The following PNMA2 variants were observed in gnomAD, a reference collection of about 807,000 sequenced individuals.
The protein encoded by PNMA2 is PNMA family member 2, also known as paraneoplastic antigen Ma2.
For synonymous variants in PNMA2, 175 were observed against 183.5 expected, an observed-to-expected ratio of 0.95 and a Z score of 0.38; for missense variants, 455 against 452.9, an observed-to-expected ratio of 1.00 and a Z score of -0.04.
In PNMA2 at chr8:26,505,205, G is replaced by A. The variant is rs1238808739; in HGVS notation, c.*2456C>T. ...TCGTGAAAATCCTAAGAGCTTCAAT[G>A]TATTGAGGGCTTTCTGTGTTCCAGA... On this transcript the variant is annotated 3_prime_UTR_variant, in exon 3 of 3. Coordinates refer to ENST00000522362, the MANE Select transcript of PNMA2 (RefSeq NM_007257.6). 1 of 153,818 alleles carries A rather than the reference G, an allele frequency of 6.5e-6. No homozygotes were observed. The highest frequency in any genetic ancestry group is 1.5e-5 in the Non-Finnish European group (1 of 68,400). 9.5% of individuals were successfully genotyped at this position (153,818 alleles called of 1,614,324 possible).
At chr8:26,510,180 A>T (rs1808124537) in intron 1 of PNMA2, among the ~76,000 whole-genome samples, 1 of 152,060 alleles carries the variant, frequency 6.6e-6, no homozygotes, top group Non-Finnish European at 1.5e-5. Context: ...TCTGATTGTT[A>T]AAAACAGACT....
chr8:26,508,783 C>T lies in PNMA2; in HGVS notation c.-28G>A, dbSNP rs1338557090. Reference sequence around the variant, plus strand: ...TCCTAAGAATTGACCCACTCTGACTCTACAGGCACCAATTTGTTAGTGGTG... The same window carrying T: ...TCCTAAGAATTGACCCACTCTGACTTTACAGGCACCAATTTGTTAGTGGTG... On this transcript the variant is annotated 5_prime_UTR_variant, in exon 3 of 3. Coordinates refer to ENST00000522362, the MANE Select transcript of PNMA2 (RefSeq NM_007257.6). This position sits in a 1 kb window ranked among gnomAD's most constrained non-coding sequence, Gnocchi z 5.5. 1 of 1,576,284 alleles carries T rather than the reference C, an allele frequency of 6.3e-7. No individual in the cohort carries two copies. Among genetic ancestry groups the T allele is most frequent in the Non-Finnish European group, 8.6e-7 (1 of 1,163,572 alleles).
At position 26,504,833 on chromosome 8, in the gene PNMA2, C is replaced by A. The variant is rs1053869453; in HGVS notation, c.*2828G>T. 3.9e-5 allele frequency: 6 copies of A among 152,616 alleles called. No homozygotes were observed. The highest frequency in any genetic ancestry group is 1.4e-4 in the African/African-American group (6 of 41,436). The allele number at this position is 152,616 out of a possible 1,614,324, so 9.5% of individuals were successfully genotyped here. ...AATTAGGGTGTCATGGTAACCACTG[C>A]ATCACTTTGGTGGAACAGTATTAAA... is the stretch of plus-strand genomic sequence containing the variant. On this transcript the variant is annotated 3_prime_UTR_variant, in exon 3 of 3. Transcript: ENST00000522362.
In PNMA2 at chr8:26,507,882, G is replaced by A. The variant is rs1326910093; in HGVS notation, c.874C>T (p.Gln292Ter). The change falls in exon 3 of 3, where the codon CAG becomes TAG. Residue 292 changes from glutamine (Q) to a stop codon, truncating the protein, a stop_gained. Transcript: ENST00000522362. LOFTEE classifies it low-confidence loss of function (END_TRUNC). ...KRAIPRRIAD[Q>*]VRLEQVMAGA... ...GCCATGACCTGCTCCAGGCGGACCT[G>A]GTCCGCAATACGCCGAGGGATGGCG... 1.2e-6 allele frequency: 2 copies of A among 1,614,186 alleles called. No individual in the cohort carries two copies. The highest frequency in any genetic ancestry group is 2.2e-5 in the South Asian group (2 of 91,086).
Position 26,508,076 on chromosome 8 carries a change from G to C in PNMA2, c.680C>G (p.Ser227Cys). Residue 227 changes from serine (S) to cysteine (C), a missense_variant, in exon 3 of 3, where the codon TCC (serine) becomes TGC (cysteine). Ser to Cys is a moderately radical substitution (Grantham distance 112). Transcript: ENST00000522362. The surrounding 1 kb of genome is among the most constrained non-coding windows in gnomAD (Gnocchi z 5.5). ...LMHIVQADNP[S>C]ISVEECLEAF... is the part of the protein sequence containing the mutation. ...CTCCAAACACTCTTCTACACTGATG[G>C]ACGGGTTGTCTGCCTGCACTATGTG... is the stretch of plus-strand genomic sequence containing the variant. The C allele has an allele frequency of 1.9e-6, 3 of 1,614,218 alleles. No individual in the cohort carries two copies. The highest frequency in any genetic ancestry group is 2.5e-6 in the Non-Finnish European group (3 of 1,180,044).
In PNMA2 at chr8:26,508,026, G is replaced by T. The variant is rs1392986081; in HGVS notation, c.730C>A (p.Leu244Ile). ...ACCTGGGCTGTCCTGCGGCTCTCTA[G>T]GCTCCCAAACACTTGCTTAAAGGCC... Reference protein sequence around the residue: ...LEAFKQVFGSLESRRTAQVRY... With the variant: ...LEAFKQVFGSIESRRTAQVRY... The change falls in exon 3 of 3, where the codon CTA becomes ATA. Residue 244 changes from leucine to isoleucine, a missense_variant. Physicochemically the swap from Leu to Ile is conservative, Grantham distance 5. Transcript: ENST00000522362. This position sits in a 1 kb window ranked among gnomAD's most constrained non-coding sequence, Gnocchi z 5.5. 6.2e-7 allele frequency: 1 copy of T among 1,614,236 alleles called. No homozygotes were observed. The highest frequency in any genetic ancestry group is 8.5e-7 in the Non-Finnish European group (1 of 1,180,036).
intron 1 of PNMA2, among the ~76,000 whole-genome samples, chr8:26,513,592 C>A (rs1045117212): frequency 6.6e-6 from 1 of 152,236 alleles, no homozygotes; most frequent in Non-Finnish European, 1.5e-5. Context: ...CCGCTTCCCA[C>A]ACCCTGAGTA....
Position 26,507,590 on chromosome 8 carries a change from C to A in PNMA2, c.*71G>T. 1 of 1,392,922 alleles carries A rather than the reference C, an allele frequency of 7.2e-7. No homozygotes were observed. The highest frequency in any genetic ancestry group is 9.7e-7 in the Non-Finnish European group (1 of 1,032,212). The allele number at this position is 1,392,922 out of a possible 1,614,324, so 86.3% of individuals were successfully genotyped here. On this transcript the variant is annotated 3_prime_UTR_variant, in exon 3 of 3. Transcript: ENST00000522362. ...TGGCTTTCATGGTTTGATTTCAGTC[C>A]CATACATTAAAGAAAAAAATTTTTT...
chr8:26,508,255 T>C lies in PNMA2; in HGVS notation c.501A>G (p.Val167=). 1.9e-6 allele frequency: 3 copies of C among 1,601,482 alleles called. No homozygotes were observed. The highest frequency in any genetic ancestry group is 1.1e-5 in the South Asian group (1 of 88,668). The part of the protein sequence containing the change: ...LLPMRYRKLR[V]FSGSAVPAPE... ...GGGCTGGGACAGCACTCCCTGAGAA[T>C]ACTCGCAGTTTCCGGTATCTCATGG... Residue 167 remains valine (V), a synonymous_variant, in exon 3 of 3, where the codon GTA becomes GTG. Coordinates refer to ENST00000522362, the MANE Select transcript of PNMA2 (RefSeq NM_007257.6). The surrounding 1 kb of genome is among the most constrained non-coding windows in gnomAD (Gnocchi z 5.5).
In PNMA2 at chr8:26,507,687, G is replaced by A. The variant is rs574071424; in HGVS notation, c.1069C>T (p.Arg357Cys). Residue 357 changes from arginine to cysteine, a missense_variant, in exon 3 of 3, where the codon CGC (arginine) becomes TGC (cysteine). By Grantham distance (180) the Arg-to-Cys change is radical. Coordinates refer to ENST00000522362, the MANE Select transcript of PNMA2 (RefSeq NM_007257.6). The part of the protein sequence containing the change: ...EEPEERDGYG[R>C]WNHEGDD ...CAGTCGTCTCCCTCATGATTCCAGC[G>A]GCCATAGCCATCTCGTTCCTCTGGC... 3.8e-6 allele frequency: 6 copies of A among 1,568,238 alleles called. No individual in the cohort carries two copies. In the Admixed American group the frequency reaches 5.6e-5, roughly 15 times the overall value.
intron 1 of PNMA2, among the ~76,000 whole-genome samples, chr8:26,510,294 G>A (rs147752852): frequency 1.3e-5 from 2 of 152,288 alleles, no homozygotes; most frequent in East Asian, 1.9e-4. Context: ...AGATGCAGAT[G>A]TCAGCACCAT....
rs1808049016 is a variant in PNMA2 at position 26,506,680 on chromosome 8, G to C, written c.*981C>G. On this transcript the variant is annotated 3_prime_UTR_variant, in exon 3 of 3. Transcript: ENST00000522362. This position sits in a 1 kb window ranked among gnomAD's most constrained non-coding sequence, Gnocchi z 4.4. Reference sequence around the variant, plus strand: ...TCACTGGGTGATGACACTTTTACTGGGGTGATGAACTTATTTACACAAAGG... The same window carrying C: ...TCACTGGGTGATGACACTTTTACTGCGGTGATGAACTTATTTACACAAAGG... 2.0e-5 allele frequency: 3 copies of C among 152,246 alleles called. No homozygotes were observed. Among genetic ancestry groups the C allele is most frequent in the African/African-American group, 7.2e-5 (3 of 41,450 alleles). The allele number at this position is 152,246 out of a possible 1,614,324, so 9.4% of individuals were successfully genotyped here. A position where few individuals can be genotyped will look rare whatever the true frequency, so the allele number is the denominator to read the frequency against.
rs112063425 is a variant in PNMA2 at position 26,512,634 on chromosome 8, G to A, written c.-619+1182C>T. On this transcript the variant is annotated intron_variant, in intron 1 of 2. Transcript: ENST00000522362. ...CCACCCTGGTTACTGAGCATGCCCAGAACTCCCTCCCGGGCCACCAAAGGA... is the reference window on the plus strand; with the variant it reads ...CCACCCTGGTTACTGAGCATGCCCAAAACTCCCTCCCGGGCCACCAAAGGA... 2.0e-5 allele frequency among the ~76,000 whole-genome samples: 3 copies of A among 152,224 alleles called. No homozygotes were observed. The East Asian group carries it at 5.8e-4, about 29-fold the overall frequency.
At chr8:26,511,463 C>A (rs986877168) in intron 1 of PNMA2, among the ~76,000 whole-genome samples, 1 of 152,114 alleles carries the variant, frequency 6.6e-6, no homozygotes, top group South Asian at 2.1e-4. Flanking sequence ...CCTGACTTTT[C>A]CTTTCTAAAA....
rs575225250 is a variant in PNMA2 at position 26,512,378 on chromosome 8, C to T, written c.-619+1438G>A. Among the ~76,000 whole-genome samples the T allele has an allele frequency of 9.3e-4, 141 of 152,308 alleles. 2 individuals are homozygous for T. The South Asian group carries it at 0.015, about 16-fold the overall frequency. On this transcript the variant is annotated intron_variant, in intron 1 of 2. Transcript: ENST00000522362. ...GCCCCTCCACTCCTATATTCTTCTT[C>T]CCCAGTCTGTTTCTCATCCGGAGAC...
intron 1 of PNMA2, among the ~76,000 whole-genome samples, chr8:26,511,237 C>T (rs1485952035): frequency 6.6e-6 from 1 of 152,164 alleles, no homozygotes; most frequent in Non-Finnish European, 1.5e-5. Flanking sequence ...AACCATTTCC[C>T]CCTTGGCCTA....
chr8:26,508,103 A>G lies in PNMA2; in HGVS notation c.653T>C (p.Met218Thr). The G allele has an allele frequency of 6.2e-7, 1 of 1,614,240 alleles. No homozygotes were observed. The highest frequency in any genetic ancestry group is 2.2e-5 in the East Asian group (1 of 44,882). ...ESLRGPALDLMHIVQADNPSI... is the reference protein window; with the variant it reads ...ESLRGPALDLTHIVQADNPSI... ...CGGGTTGTCTGCCTGCACTATGTGC[A>G]TGAGGTCCAGGGCAGGGCCCCGCAG... Residue 218 changes from methionine (M) to threonine (T), a missense_variant, in exon 3 of 3, where the codon ATG becomes ACG. Physicochemically the swap from Met to Thr is moderately conservative, Grantham distance 81. Coordinates refer to ENST00000522362, the MANE Select transcript of PNMA2 (RefSeq NM_007257.6). The surrounding 1 kb of genome is among the most constrained non-coding windows in gnomAD (Gnocchi z 5.5).
In PNMA2 at chr8:26,508,734, C is replaced by G; in HGVS notation, c.22G>C (p.Asp8His). The change falls in exon 3 of 3, where the codon GAC (aspartate) becomes CAC (histidine). Residue 8 changes from aspartate (D) to histidine (H), a missense_variant. Transcript: ENST00000522362. This position sits in a 1 kb window ranked among gnomAD's most constrained non-coding sequence, Gnocchi z 5.5. Reference sequence around the variant, plus strand: ...TCCACACTCATTATCCTGCACCAGTCCTCTAACAGTGCCAGCGCCATTGTC... The same window carrying G: ...TCCACACTCATTATCCTGCACCAGTGCTCTAACAGTGCCAGCGCCATTGTC... MALALLEDWCRIMSVDEQ... is the reference protein window; with the variant it reads MALALLEHWCRIMSVDEQ... The G allele has an allele frequency of 6.2e-7, 1 of 1,612,268 alleles. No homozygotes were observed. The highest frequency in any genetic ancestry group is 1.1e-5 in the South Asian group (1 of 90,706).
Position 26,508,868 on chromosome 8 carries a change from A to G in PNMA2, c.-113T>C. The stretch of plus-strand genomic sequence containing the variant: ...GGATGAGCTTCTAACCTTAGAACCC[A>G]CCAATGAATGGGTCCCAGACTAGGT... On this transcript the variant is annotated 5_prime_UTR_variant, in exon 3 of 3. Coordinates refer to ENST00000522362, the MANE Select transcript of PNMA2 (RefSeq NM_007257.6). This position sits in a 1 kb window ranked among gnomAD's most constrained non-coding sequence, Gnocchi z 5.5. The G allele has an allele frequency of 6.6e-7, 1 of 1,509,758 alleles. No individual in the cohort carries two copies. The highest frequency in any genetic ancestry group is 2.3e-5 in the East Asian group (1 of 43,916). 93.5% of individuals were successfully genotyped at this position (1,509,758 alleles called of 1,614,324 possible). A position where few individuals can be genotyped will look rare whatever the true frequency, so the allele number is the denominator to read the frequency against.
Sources: gnomAD v4.1 joint callset for allele counts (sites outside exome capture counted in the v4.1 genomes callset) on GRCh38, gnomAD v4.1.1 for gene constraint, Gnocchi (gnomAD v3.1) non-coding constraint, MANE v1.5 for transcripts, NCBI Gene and HGNC (gene_info 2026-07-23, HGNC 2026-07-21) for gene names.